Variants in CADM2 observed in about 807,000 individuals in gnomAD.
CADM2 encodes immunoglobulin superfamily member 4D.
Under a neutral mutation model 49.8 loss-of-function variants are expected in CADM2, and 12 were observed. That is an observed-to-expected ratio of 0.24 (90% CI 0.15 to 0.39). The LOEUF (loss-of-function observed/expected upper bound fraction) is 0.39, where lower values mean the gene tolerates loss of function less well. CADM2 is among the 10% of genes least tolerant of loss of function. The pLI is 1.00. For missense variants in CADM2, 378 were observed against 492.3 expected (o/e 0.77, Z 2.20); for synonymous variants, 214 against 175.4 (o/e 1.22, Z -1.74).
intron 1 of CADM2, among the ~76,000 whole-genome samples, chr3:85,370,801 C>A (rs372786915): frequency 2.6e-5 from 4 of 152,040 alleles, no homozygotes; most frequent in African/African-American, 9.7e-5. Context: ...CAGCCCCATG[C>A]ATGTTATTGC....
chr3:85,123,963 G>C (rs1306151208), intron 1 of CADM2, among the ~76,000 whole-genome samples: 5 of 152,294 alleles, frequency 3.3e-5, no homozygotes, highest in Admixed American at 3.3e-4. Context: ...ACAAATGTTG[G>C]GCTGGGATGA....
intron 1 of CADM2, among the ~76,000 whole-genome samples, chr3:84,978,595 A>G (rs1461070234): frequency 6.6e-6 from 1 of 152,196 alleles, no homozygotes; most frequent in African/African-American, 2.4e-5. Context: ...GTTCATTTAA[A>G]ACAATAAAAG....
chr3:85,876,061 A>T (rs1337577477), intron 3 of CADM2, among the ~76,000 whole-genome samples: 1 of 152,174 alleles, frequency 6.6e-6, no homozygotes, highest in Non-Finnish European at 1.5e-5. Context: ...AAATCCTGTC[A>T]CATCAGTGAC....
At chr3:85,172,953 A>C (rs1471355299) in intron 1 of CADM2, among the ~76,000 whole-genome samples, 1 of 146,998 alleles carries the variant, frequency 6.8e-6, no homozygotes, top group Non-Finnish European at 1.5e-5. Flanking sequence ...TATAATACAT[A>C]AACATATATA....
chr3:85,095,485 T>C (rs1272297753), intron 1 of CADM2, among the ~76,000 whole-genome samples: 2 of 152,176 alleles, frequency 1.3e-5, no homozygotes, highest in Non-Finnish European at 2.9e-5. Flanking sequence ...AATTGTATAA[T>C]TGGTTATGTG....
chr3:85,165,072 C>CAAT (rs2040433552), intron 1 of CADM2, among the ~76,000 whole-genome samples: 1 of 151,370 alleles, frequency 6.6e-6, no homozygotes, highest in Non-Finnish European at 1.5e-5. Flanking sequence ...TGATCAAGGG[C>CAAT]CCCAGTATAA....
chr3:85,718,892 T>G (rs1366038773), intron 1 of CADM2, among the ~76,000 whole-genome samples: 1 of 86,640 alleles, frequency 1.2e-5, no homozygotes, highest in African/African-American at 3.1e-5. Context: ...TTTATTATTA[T>G]TATTATTATT....
chr3:85,386,379 G>A (rs537103126), intron 1 of CADM2, among the ~76,000 whole-genome samples: 75 of 152,184 alleles, frequency 4.9e-4, no homozygotes, highest in South Asian at 1.2e-3. Flanking sequence ...CTGGAGAATG[G>A]GAATTGGGTG....
At chr3:85,465,166 AAAC>A (rs527658154) in intron 1 of CADM2, among the ~76,000 whole-genome samples, 32 of 152,212 alleles carry the variant, frequency 2.1e-4, no homozygotes, top group Admixed American at 3.3e-4. Context: ...AAACAAAACA[AAAC>A]AACAACAACA....
At chr3:85,982,075 C>T (rs1269553126) in intron 8 of CADM2, among the ~76,000 whole-genome samples, 3 of 151,432 alleles carry the variant, frequency 2.0e-5, no homozygotes, top group South Asian at 2.1e-4. Context: ...TATTTCATTG[C>T]GGTTTTGATT....
At chr3:85,860,780 A>T (rs1409195101) in intron 3 of CADM2, among the ~76,000 whole-genome samples, 1 of 152,114 alleles carries the variant, frequency 6.6e-6, no homozygotes, top group African/African-American at 2.4e-5. Flanking sequence ...ATTTGGAGGA[A>T]GGGGGACACA....
intron 7 of CADM2, among the ~76,000 whole-genome samples, chr3:85,941,498 A>T (rs536430837): frequency 3.3e-5 from 5 of 152,104 alleles, no homozygotes; most frequent in Non-Finnish European, 7.4e-5. Flanking sequence ...AATAATAGTT[A>T]TAAATTAGAG....
intron 8 of CADM2, among the ~76,000 whole-genome samples, chr3:86,009,120 T>TATATGTGTATATAGATATATATATAG (rs1731162183): frequency 6.9e-6 from 1 of 145,898 alleles, no homozygotes; most frequent in African/African-American, 2.5e-5. Context: ...TAAATATATA[T>TATATGTGTATATAGATATATATATAG]ATATGTGTAT....
intron 1 of CADM2, among the ~76,000 whole-genome samples, chr3:85,516,520 T>C (rs1360157661): frequency 6.6e-6 from 1 of 152,136 alleles, no homozygotes; most frequent in East Asian, 1.9e-4. Context: ...TTGCTCAATA[T>C]CATACTCTTT....
intron 1 of CADM2, among the ~76,000 whole-genome samples, chr3:85,707,697 C>T (rs190293886): frequency 6.6e-6 from 1 of 152,094 alleles, no homozygotes; most frequent in African/African-American, 2.4e-5. Flanking sequence ...TTTTGTCAAT[C>T]GAAAATACAT....
intron 1 of CADM2, among the ~76,000 whole-genome samples, chr3:85,108,181 G>T (rs896953968): frequency 4.0e-5 from 6 of 151,780 alleles, no homozygotes; most frequent in African/African-American, 1.5e-4. Flanking sequence ...TCTGTAAATG[G>T]TTGCATAGAT....
chr3:85,901,057 C>T (rs922959436), intron 5 of CADM2, among the ~76,000 whole-genome samples: 6 of 152,052 alleles, frequency 3.9e-5, no homozygotes, highest in East Asian at 1.9e-4. Flanking sequence ...ATTAGCTGGG[C>T]GTGGTGGTGC....
In CADM2 at chr3:85,210,991, C is replaced by T. The variant is rs192579368; in HGVS notation, c.61+251323C>T. On this transcript the variant is annotated intron_variant, in intron 1 of 9. Transcript: ENST00000383699. Reference sequence around the variant, plus strand: ...ATTTGTCTTTTCAAGTTGTGAATTTCTTCATGGTTCAATCTTGGTAGGTTG... The same window carrying T: ...ATTTGTCTTTTCAAGTTGTGAATTTTTTCATGGTTCAATCTTGGTAGGTTG... Among the ~76,000 whole-genome samples the T allele has an allele frequency of 4.3e-3, 658 of 152,164 alleles. 3 individuals are homozygous for T. The highest frequency in any genetic ancestry group is 0.014 in the African/African-American group (584 of 41,520).
intron 1 of CADM2, among the ~76,000 whole-genome samples, chr3:85,001,826 TA>T (rs1181093400): frequency 6.6e-6 from 1 of 152,148 alleles, no homozygotes; most frequent in African/African-American, 2.4e-5. Context: ...TATGTAAAAT[TA>T]AAAAAATAAA....
Sources: gnomAD v4.1 joint callset for allele counts (sites outside exome capture counted in the v4.1 genomes callset) on GRCh38, gnomAD v4.1.1 for gene constraint, MANE v1.5 for transcripts, NCBI Gene and HGNC (gene_info 2026-07-23, HGNC 2026-07-21) for gene names.